Variants in ROBO2 observed in about 807,000 individuals in gnomAD.
ROBO2 encodes roundabout guidance receptor 2.
In ROBO2, 53 loss-of-function variants were observed where a neutral mutation model predicts 160.8. The observed-to-expected ratio is 0.33, with a 90% confidence interval of 0.26 to 0.41. The LOEUF is 0.41. ROBO2 is among the 10% of genes least tolerant of loss of function. The pLI is 1.00. For synonymous variants in ROBO2, 664 were observed against 611.7 expected, an observed-to-expected ratio of 1.09 and a Z score of -1.26; for missense variants, 1,577 against 1,722.4, an observed-to-expected ratio of 0.92 and a Z score of 1.49.
chr3:76,202,227 A>G (rs1004193633), intron 2 of ROBO2, among the ~76,000 whole-genome samples: 2 of 152,200 alleles, frequency 1.3e-5, no homozygotes, highest in Non-Finnish European at 2.9e-5. Flanking sequence ...CGACTGTTTC[A>G]TAATTCATAA....
intron 2 of ROBO2, among the ~76,000 whole-genome samples, chr3:77,145,027 TTTCTC>T (rs2150469537): frequency 6.6e-6 from 1 of 152,270 alleles, no homozygotes; most frequent in Admixed American, 6.5e-5. Flanking sequence ...TTTTTGTCAT[TTTCTC>T]TTAAGTGTTA....
intron 2 of ROBO2, among the ~76,000 whole-genome samples, chr3:77,468,037 C>G (rs1041357520): frequency 1.8e-4 from 28 of 152,154 alleles, no homozygotes; most frequent in African/African-American, 6.5e-4. Context: ...TGGACACAAT[C>G]TCTAACTTGA....
At chr3:77,639,886 A>G (rs1363097550) in intron 24 of ROBO2, among the ~76,000 whole-genome samples, 2 of 152,136 alleles carry the variant, frequency 1.3e-5, no homozygotes, top group East Asian at 3.9e-4. Flanking sequence ...GAGATTGTGG[A>G]AGCTACCTAG....
intron 2 of ROBO2, among the ~76,000 whole-genome samples, chr3:77,400,930 G>A (rs574995412): frequency 3.9e-5 from 6 of 152,120 alleles, no homozygotes; most frequent in South Asian, 4.2e-4. Context: ...TATTCTGTTC[G>A]AAGTCAGTTT....
intron 19 of ROBO2, among the ~76,000 whole-genome samples, chr3:77,598,527 G>GTATA (rs3073098): frequency 7.1e-5 from 10 of 139,958 alleles, no homozygotes; most frequent in Admixed American, 2.9e-4. Flanking sequence ...ATATATATGT[G>GTATA]TATATATATA....
At chr3:76,978,776 A>T (rs895951704) in intron 2 of ROBO2, among the ~76,000 whole-genome samples, 2 of 151,978 alleles carry the variant, frequency 1.3e-5, no homozygotes, top group African/African-American at 4.8e-5. Flanking sequence ...CCACACACAC[A>T]TACCCTAAAT....
intron 2 of ROBO2, among the ~76,000 whole-genome samples, chr3:77,234,438 A>C (rs1025887830): frequency 2.0e-5 from 3 of 152,190 alleles, no homozygotes; most frequent in Admixed American, 2.0e-4. Flanking sequence ...TGGTTTCAAG[A>C]TTACACCACA....
intron 9 of ROBO2, 58 bp from the exon 11 acceptor site, chr3:77,562,593 G>C (rs962152924): frequency 1.6e-6 from 2 of 1,223,596 alleles, no homozygotes; most frequent in Non-Finnish European, 2.4e-6. Flanking sequence ...CTGTCATTGA[G>C]TAATTATTCT....
intron 1 of ROBO2, among the ~76,000 whole-genome samples, chr3:75,910,814 CA>C (rs1483957831): frequency 2.6e-5 from 4 of 152,038 alleles, no homozygotes; most frequent in African/African-American, 9.7e-5. Flanking sequence ...ATATATTACA[CA>C]AGAGTGAACA....
At chr3:76,041,913 T>C (rs971448347) in intron 2 of ROBO2, among the ~76,000 whole-genome samples, 1 of 151,836 alleles carries the variant, frequency 6.6e-6, no homozygotes, top group Non-Finnish European at 1.5e-5. Context: ...ATGTCCTGTT[T>C]CTCTTGATCA....
chr3:77,182,217 G>A (rs76448197), intron 2 of ROBO2, among the ~76,000 whole-genome samples: 11,423 of 151,982 alleles, frequency 0.075, 483 homozygotes, highest in African/African-American at 0.11. Flanking sequence ...GAATATTTGG[G>A]CAATTCATAT....
chr3:76,400,084 A>G (rs2077725202), intron 2 of ROBO2, among the ~76,000 whole-genome samples: 1 of 151,724 alleles, frequency 6.6e-6, no homozygotes, highest in Non-Finnish European at 1.5e-5. Flanking sequence ...AAGAACTTGA[A>G]AACAAACTTT....
rs142378123 is a variant in ROBO2 at position 77,059,521 on chromosome 3, T to C, written c.61+18675T>C. Among the ~76,000 whole-genome samples, 924 of 152,322 alleles carry C rather than the reference T, an allele frequency of 6.1e-3. 7 individuals carry two copies. The highest frequency in any genetic ancestry group is 0.01 in the Non-Finnish European group (702 of 68,018). On this transcript the variant is annotated intron_variant, in intron 1 of 25. Transcript: ENST00000461745. ...AGCAAGACAAAGAAAACAATTTTGG[T>C]TACAGTGGAAAGACCCTATTTAAAG...
chr3:77,240,059 G>C (rs1042982718), intron 2 of ROBO2, among the ~76,000 whole-genome samples: 1 of 152,174 alleles, frequency 6.6e-6, no homozygotes, highest in East Asian at 1.9e-4. Context: ...GGCCATAGGC[G>C]GAGCTGCCAG....
chr3:76,244,581 G>A (rs1218324917), intron 2 of ROBO2, among the ~76,000 whole-genome samples: 1 of 152,168 alleles, frequency 6.6e-6, no homozygotes. Context: ...TTTTGCTTGA[G>A]ACATATTCTT....
chr3:77,020,820 A>C (rs2062586916), intron 2 of ROBO2, among the ~76,000 whole-genome samples: 1 of 152,240 alleles, frequency 6.6e-6, no homozygotes, highest in Non-Finnish European at 1.5e-5. Context: ...GTTTATGTAC[A>C]TTATTTTCTT....
chr3:77,299,932 C>T (rs1048371365), intron 2 of ROBO2, among the ~76,000 whole-genome samples: 2 of 152,062 alleles, frequency 1.3e-5, no homozygotes, highest in Non-Finnish European at 2.9e-5. Flanking sequence ...GGAGGGAAGA[C>T]AGAGTCATGA....
At chr3:76,077,568 A>G (rs1344939819) in intron 2 of ROBO2, among the ~76,000 whole-genome samples, 1 of 152,118 alleles carries the variant, frequency 6.6e-6, no homozygotes, top group East Asian at 1.9e-4. Flanking sequence ...ATCTCAAAAT[A>G]ATATTAACAA....
intron 2 of ROBO2, among the ~76,000 whole-genome samples, chr3:76,569,915 A>G (rs1026961707): frequency 1.1e-4 from 16 of 152,306 alleles, no homozygotes; most frequent in Admixed American, 3.3e-4. Flanking sequence ...GCTTGAACTC[A>G]GGAGTTCAAG....
Sources: gnomAD v4.1 joint callset for allele counts (sites outside exome capture counted in the v4.1 genomes callset) on GRCh38, gnomAD v4.1.1 for gene constraint, MANE v1.5 for transcripts, NCBI Gene and HGNC (gene_info 2026-07-23, HGNC 2026-07-21) for gene names.